MRPL43: variants seen among roughly 807,000 people sequenced by gnomAD.
MRPL43 encodes large ribosomal subunit protein mL43.
MRPL43 carries 9 observed loss-of-function variants against 12.7 expected under a neutral mutation model. The observed-to-expected ratio is 0.71, with a 90% CI of 0.43 to 1.24. The LOEUF is 1.24. Ranked by LOEUF, MRPL43 falls within the 50% of genes most tolerant of loss-of-function variation. MRPL43 has a pLI of 0.00. For synonymous variants in MRPL43, 116 were observed against 96.4 expected, an observed-to-expected ratio of 1.20 and a Z score of -1.19; for missense variants, 211 against 229.2, an observed-to-expected ratio of 0.92 and a Z score of 0.51.
downstream of MRPL43, among the ~76,000 whole-genome samples, chr10:100,981,931 G>A (rs1851099315): frequency 6.6e-6 from 1 of 151,882 alleles, no homozygotes; most frequent in Admixed American, 6.6e-5. Flanking sequence ...GGTGGCACAT[G>A]TCTGTAATCC....
chr10:100,982,873 G>A (rs1042451652), downstream of MRPL43, among the ~76,000 whole-genome samples: 1 of 152,226 alleles, frequency 6.6e-6, no homozygotes, highest in Non-Finnish European at 1.5e-5. Context: ...CTGTGTGGCT[G>A]GTGGTGCCAT....
downstream of MRPL43, chr10:100,984,281 A>C: frequency 1.4e-6 from 2 of 1,439,504 alleles, no homozygotes; most frequent in Non-Finnish European, 1.8e-6. Flanking sequence ...CTGGCCAGTC[A>C]GGCCCAGCCA....
At chr10:100,978,530 G>A, downstream of MRPL43, 1 of 1,613,890 alleles carries the variant, frequency 6.2e-7, no homozygotes. Flanking sequence ...ACGCCAGATG[G>A]AGGCCTCTAC....
At chr10:100,982,253 CAGG>C (rs375632126), downstream of MRPL43, among the ~76,000 whole-genome samples, 1 of 151,876 alleles carries the variant, frequency 6.6e-6, no homozygotes, top group Non-Finnish European at 1.5e-5. Context: ...ATTTGAGTGA[CAGG>C]AGAATAGGCT....
rs763818816 is a variant in MRPL43, at chr10:100,987,080, C to T, written c.238+10G>A. The T allele has an allele frequency of 8.0e-5, 129 of 1,612,744 alleles. No individual in the cohort carries two copies. Among genetic ancestry groups the T allele is most frequent in the Non-Finnish European group, 1.0e-4 (118 of 1,179,890 alleles). Reference sequence around the variant, plus strand: ...ATCCCGCCCTCCAGCCCGAGCCCGGCCCCACTCACGGTATTCGGCCACTAC... The same window carrying T: ...ATCCCGCCCTCCAGCCCGAGCCCGGTCCCACTCACGGTATTCGGCCACTAC... On this transcript the variant is annotated intron_variant, in intron 2 of 2. Coordinates refer to ENST00000318364, the MANE Select transcript of MRPL43 (RefSeq NM_032112.3).
At chr10:100,986,207 G>A (rs1851455674), downstream of MRPL43, 28 of 940,326 alleles carry the variant, frequency 3.0e-5, no homozygotes, top group South Asian at 6.5e-4. Flanking sequence ...TCTGCGTCTA[G>A]TTTTAAAATA....
At chr10:100,983,985 A>G (rs1590001187), downstream of MRPL43, 1 of 1,575,254 alleles carries the variant, frequency 6.3e-7, no homozygotes, top group Non-Finnish European at 8.6e-7. Flanking sequence ...GCTGCGGAGG[A>G]TGAATGGCAA....
In MRPL43 at chr10:100,986,404, G is replaced by A. The variant is rs764337923; in HGVS notation, c.*330C>T. The A allele has an allele frequency of 2.0e-6, 3 of 1,478,678 alleles. No homozygotes were observed. The highest frequency in any genetic ancestry group is 2.7e-6 in the Non-Finnish European group (3 of 1,118,120). The allele number at this position is 1,478,678 out of a possible 1,614,324, so 91.6% of individuals were successfully genotyped here. ...CCAATAAGACATCAGGGATTCTTCA[G>A]AAGCCAGCCTTCAGACCTCTCACTG... On this transcript the variant is annotated 3_prime_UTR_variant, in exon 3 of 3. Transcript: ENST00000318364.
chr10:100,984,489 G>A (rs1427851024), downstream of MRPL43: 2 of 1,533,072 alleles, frequency 1.3e-6, no homozygotes, highest in South Asian at 1.2e-5. Flanking sequence ...CTTTCTCCCA[G>A]GCAGGGCTCT....
chr10:100,987,071 C>T lies in MRPL43; in HGVS notation c.238+19G>A, dbSNP rs769286554. 6.2e-7 allele frequency: 1 copy of T among 1,612,278 alleles called. No homozygotes were observed. Among genetic ancestry groups the T allele is most frequent in the Non-Finnish European group, 8.5e-7 (1 of 1,179,866 alleles). On this transcript the variant is annotated intron_variant, in intron 2 of 2. Transcript: ENST00000318364. ...GAGCCCCTGATCCCGCCCTCCAGCC[C>T]GAGCCCGGCCCCACTCACGGTATTC...
chr10:100,978,603 CCTGAGAA>C, downstream of MRPL43: 3 of 1,614,112 alleles, frequency 1.9e-6, no homozygotes, highest in Non-Finnish European at 2.5e-6. Flanking sequence ...ACCCACACTC[CCTGAGAA>C]CTGAGGAGAC....
At chr10:100,977,951 C>T (rs187759303), downstream of MRPL43, 7 of 580,860 alleles carry the variant, frequency 1.2e-5, no homozygotes, top group Admixed American at 1.2e-4. Context: ...GCATCCTCCC[C>T]CTAATCACCT....
chr10:100,984,892 G>A, downstream of MRPL43: 1 of 1,466,452 alleles, frequency 6.8e-7, no homozygotes, highest in Non-Finnish European at 9.0e-7. Context: ...TCAAGAGTAT[G>A]AGAGACAGAG....
downstream of MRPL43, chr10:100,979,237 C>T (rs766701174): frequency 9.9e-6 from 16 of 1,614,126 alleles, no homozygotes; most frequent in Admixed American, 3.3e-5. Flanking sequence ...AAGCCGTACA[C>T]ACTTCTATGC....
At chr10:100,982,714 C>G (rs952466232), downstream of MRPL43, among the ~76,000 whole-genome samples, 3 of 152,158 alleles carry the variant, frequency 2.0e-5, no homozygotes, top group Non-Finnish European at 4.4e-5. Flanking sequence ...ATCGCGTGAA[C>G]CAGGGAGGTG....
At chr10:100,978,465 T>C (rs183560211), downstream of MRPL43, 22 of 1,593,000 alleles carry the variant, frequency 1.4e-5, no homozygotes, top group East Asian at 4.7e-4. Flanking sequence ...TGCCACCATG[T>C]ATATGTCATG....
chr10:100,978,520 A>T, downstream of MRPL43: 1 of 1,613,254 alleles, frequency 6.2e-7, no homozygotes, highest in Non-Finnish European at 8.5e-7. Flanking sequence ...GAATATCCCC[A>T]CGCCAGATGG....
downstream of MRPL43, chr10:100,980,331 C>T (rs2133884897): frequency 6.2e-7 from 1 of 1,614,014 alleles, no homozygotes; most frequent in Non-Finnish European, 8.5e-7. Flanking sequence ...ATGACCTGCT[C>T]TTTCTGGGCA....
At chr10:100,982,637 C>T (rs1851155296), downstream of MRPL43, among the ~76,000 whole-genome samples, 1 of 152,160 alleles carries the variant, frequency 6.6e-6, no homozygotes, top group Non-Finnish European at 1.5e-5. Context: ...ACTAAAAATA[C>T]AAAAACTAGC....
Sources: allele counts gnomAD v4.1 joint callset (sites outside exome capture counted in the v4.1 genomes callset), GRCh38; gene constraint gnomAD v4.1.1; transcripts MANE v1.5; gene names NCBI Gene and HGNC (gene_info 2026-07-23, HGNC 2026-07-21).